Variants in ARHGAP26 observed in about 807,000 individuals in gnomAD.
ARHGAP26 encodes the protein Rho GTPase activating protein 26.
A neutral mutation model predicts 104.8 loss-of-function variants in ARHGAP26; 38 were observed. That is an observed-to-expected ratio of 0.36 (90% confidence interval 0.28 to 0.48). The LOEUF (loss-of-function observed/expected upper bound fraction) is 0.48, where lower values mean the gene tolerates loss of function less well. ARHGAP26 is among the 20% of genes least tolerant of loss of function. The pLI is 0.99. For synonymous variants in ARHGAP26, 341 were observed against 340.0 expected, an observed-to-expected ratio of 1.00 and a Z score of -0.03; for missense variants, 704 against 947.9, an observed-to-expected ratio of 0.74 and a Z score of 3.38.
At chr5:143,210,982 T>C (rs1809373446) in intron 21 of ARHGAP26, among the ~76,000 whole-genome samples, 1 of 152,298 alleles carries the variant, frequency 6.6e-6, no homozygotes, top group Non-Finnish European at 1.5e-5. Context: ...AAAGAACCAA[T>C]GATGCCTGGT....
chr5:143,088,942 G>C (rs1791009579), intron 17 of ARHGAP26, among the ~76,000 whole-genome samples: 1 of 152,128 alleles, frequency 6.6e-6, no homozygotes, highest in African/African-American at 2.4e-5. Flanking sequence ...GAATGAGTCA[G>C]GGTGGAGCAG....
At chr5:142,990,990 T>G (rs1775526544) in intron 11 of ARHGAP26, among the ~76,000 whole-genome samples, 1 of 152,226 alleles carries the variant, frequency 6.6e-6, no homozygotes, top group South Asian at 2.1e-4. Context: ...TCTTCAAAGC[T>G]GTCAGATAGG....
chr5:143,025,708 A>G (rs1244827474), intron 12 of ARHGAP26, among the ~76,000 whole-genome samples: 1 of 152,216 alleles, frequency 6.6e-6, no homozygotes, highest in Admixed American at 6.5e-5. Flanking sequence ...GTAGAAACCC[A>G]CAAAGAAACA....
At chr5:143,179,062 G>A (rs1335847168) in intron 20 of ARHGAP26, among the ~76,000 whole-genome samples, 2 of 152,124 alleles carry the variant, frequency 1.3e-5, no homozygotes, top group Admixed American at 1.3e-4. Flanking sequence ...TAGAGACCCG[G>A]TTTCACCATG....
chr5:143,113,467 C>T (rs149787626), intron 17 of ARHGAP26, among the ~76,000 whole-genome samples: 646 of 152,294 alleles, frequency 4.2e-3, no homozygotes, highest in Admixed American at 0.01. Context: ...CCATAATTAT[C>T]TCCTTTTTGG....
At chr5:142,859,971 C>T (rs1753025448) in intron 1 of ARHGAP26, 1 of 152,280 alleles carries the variant, frequency 6.6e-6, no homozygotes, top group South Asian at 2.1e-4. Context: ...CAGCGTTCCC[C>T]CTTACTCAGT....
intron 1 of ARHGAP26, among the ~76,000 whole-genome samples, chr5:142,827,446 C>T (rs1442085637): frequency 6.6e-6 from 1 of 152,010 alleles, no homozygotes; most frequent in Non-Finnish European, 1.5e-5. Context: ...TAAATGATGC[C>T]CTTTATTATT....
At chr5:142,802,668 A>G (rs943846111) in intron 1 of ARHGAP26, among the ~76,000 whole-genome samples, 4 of 152,172 alleles carry the variant, frequency 2.6e-5, no homozygotes, top group African/African-American at 7.2e-5. Flanking sequence ...TTGATGAAAA[A>G]GTAGGCATTG....
At chr5:142,860,597 G>A (rs1753151065) in intron 1 of ARHGAP26, 1 of 152,216 alleles carries the variant, frequency 6.6e-6, no homozygotes, top group South Asian at 2.1e-4. Context: ...AGTCAGTTGT[G>A]TAGGCTTCAG....
chr5:143,117,426 A>G (rs1022277991), intron 17 of ARHGAP26, among the ~76,000 whole-genome samples: 1 of 152,170 alleles, frequency 6.6e-6, no homozygotes, highest in Non-Finnish European at 1.5e-5. Flanking sequence ...TTCATTCTGG[A>G]GTAATGAACA....
At chr5:143,163,496 G>A (rs1378498230) in intron 20 of ARHGAP26, among the ~76,000 whole-genome samples, 1 of 151,564 alleles carries the variant, frequency 6.6e-6, no homozygotes, top group East Asian at 1.9e-4. Flanking sequence ...TGTTGCCCAG[G>A]CTCGAGTGCA....
chr5:142,884,506 A>G (rs998875424), intron 4 of ARHGAP26, among the ~76,000 whole-genome samples: 4 of 152,354 alleles, frequency 2.6e-5, no homozygotes, highest in East Asian at 3.9e-4. Flanking sequence ...GTATTTGCCT[A>G]TAAGTAAATT....
intron 11 of ARHGAP26, among the ~76,000 whole-genome samples, chr5:142,953,756 C>T (rs987225329): frequency 1.3e-4 from 20 of 152,124 alleles, no homozygotes; most frequent in African/African-American, 1.7e-4. Context: ...AGAATTTTAC[C>T]GTGTCCCCTG....
At chr5:142,981,222 A>G (rs1230256702) in intron 11 of ARHGAP26, among the ~76,000 whole-genome samples, 3 of 152,318 alleles carry the variant, frequency 2.0e-5, no homozygotes, top group East Asian at 1.9e-4. Context: ...TCAAGTCCCA[A>G]CCTTGCTACC....
In ARHGAP26 at chr5:143,054,396, C is replaced by T. The variant is rs76071565; in HGVS notation, c.1286-43C>T. On this transcript the variant is annotated intron_variant, in intron 14 of 22. Transcript: ENST00000645722. ...TTTATGTGTGCTTATTTATTAGTTC[C>T]ATTTTATGCTGTGCTTTATGTATTG... The T allele has an allele frequency of 0.033, 45,931 of 1,407,890 alleles. 7,246 individuals are homozygous for T. The East Asian group carries it at 0.5, about 15-fold the overall frequency. The allele number at this position is 1,407,890 out of a possible 1,614,324, so 87.2% of individuals were successfully genotyped here.
chr5:142,947,095 T>TTAAAAAAAAAAA (rs1491383996), intron 11 of ARHGAP26: 2 of 70,684 alleles, frequency 2.8e-5, no homozygotes, highest in African/African-American at 1.0e-4. Context: ...TTTTTAAAAG[T>TTAAAAAAAAAAA]AAAAAAAAAA....
chr5:143,007,094 A>C (rs2152801638), intron 11 of ARHGAP26, among the ~76,000 whole-genome samples: 1 of 151,184 alleles, frequency 6.6e-6, no homozygotes, highest in East Asian at 2.0e-4. Flanking sequence ...CCAGCTGCTC[A>C]GGAGACAGGT....
intron 14 of ARHGAP26, among the ~76,000 whole-genome samples, chr5:143,047,688 C>T (rs1002238300): frequency 2.6e-5 from 4 of 151,904 alleles, no homozygotes; most frequent in African/African-American, 9.7e-5. Context: ...TTTTGCATTT[C>T]TGTAATTTTG....
rs570147861 is a variant in ARHGAP26, at chr5:143,016,068, G to A, written c.1144+1952G>A. The stretch of plus-strand genomic sequence containing the variant: ...TGAGAGACAATCTAAATACCAAATA[G>A]GGAGTTGGCTAAATAAATTAAGGAG... On this transcript the variant is annotated intron_variant, in intron 12 of 22. Transcript: ENST00000645722. Among the ~76,000 whole-genome samples, 17 of 152,278 alleles carry A rather than the reference G, an allele frequency of 1.1e-4. No individual in the cohort carries two copies. The South Asian group carries it at 3.1e-3, about 28-fold the overall frequency.
Sources: allele counts gnomAD v4.1 joint callset (sites outside exome capture counted in the v4.1 genomes callset), GRCh38; gene constraint gnomAD v4.1.1; transcripts MANE v1.5; gene names NCBI Gene and HGNC (gene_info 2026-07-23, HGNC 2026-07-21).